NF1: variants seen among roughly 807,000 people sequenced by gnomAD.
The protein encoded by NF1 is neurofibromin.
NF1 carries 122 observed loss-of-function variants against 325.7 expected under a neutral mutation model. The ratio of observed to expected loss-of-function variants is 0.37; its 90% CI spans 0.32 to 0.44. The LOEUF is 0.44. NF1 is among the 20% of genes least tolerant of loss of function. The pLI is 1.00. For missense variants in NF1, 2,140 were observed against 3,415.4 expected (o/e 0.63, Z 9.31); for synonymous variants, 1,091 against 1,186.0 (o/e 0.92, Z 1.65).
chr17:31,304,020 C>A (rs1329625625), intron 36 of NF1: 3 of 334,938 alleles, frequency 9.0e-6, no homozygotes, highest in Non-Finnish European at 1.6e-5. Context: ...TGAAACATAC[C>A]ATTTACATAT....
At chr17:31,287,502 G>A (rs1378315469) in intron 36 of NF1, among the ~76,000 whole-genome samples, 2 of 151,924 alleles carry the variant, frequency 1.3e-5, no homozygotes, top group Non-Finnish European at 2.9e-5. Context: ...TAGTGAGTGC[G>A]TATGTATGTT....
chr17:31,216,128 C>CT (rs879847864), intron 13 of NF1, among the ~76,000 whole-genome samples: 2 of 152,110 alleles, frequency 1.3e-5, no homozygotes, highest in Admixed American at 1.3e-4. Flanking sequence ...CTCTTCATTC[C>CT]TTTGTTATGT....
Position 31,229,091 on chromosome 17 carries a change from A to G in NF1, c.2476A>G (p.Ile826Val), listed in dbSNP as rs767069721. 6.2e-7 allele frequency: 1 copy of G among 1,611,926 alleles called. No individual in the cohort carries two copies. Among genetic ancestry groups the G allele is most frequent in the Non-Finnish European group, 8.5e-7 (1 of 1,179,806 alleles). Residue 826 changes from isoleucine (I) to valine (V), a missense_variant, in exon 21 of 58, where the codon ATA becomes GTA. Around this residue, in one of 10 missense-constraint regions of NF1, gnomAD observed 380 missense variants for 639.3 expected, o/e 0.59. Coordinates refer to ENST00000358273, the MANE Select transcript of NF1 (RefSeq NM_001042492.3). ...RMSHVSGGGS[I>V]DLSDTDSLQE... Reference sequence around the variant, plus strand: ...GTCCCATGTGAGTGGAGGAGGATCCATAGATTTGTCTGACACAGACTCCCT... The same window carrying G: ...GTCCCATGTGAGTGGAGGAGGATCCGTAGATTTGTCTGACACAGACTCCCT...
At chr17:31,304,378 A>G in intron 36 of NF1, 23 of 1,614,118 alleles carry the variant, frequency 1.4e-5, no homozygotes, top group Non-Finnish European at 1.9e-5. Context: ...TTGGTTTTTC[A>G]TAAAATCTAC....
At chr17:31,209,060 G>A (rs142237709) in intron 12 of NF1, among the ~76,000 whole-genome samples, 23 of 152,254 alleles carry the variant, frequency 1.5e-4, no homozygotes, top group African/African-American at 4.6e-4. Flanking sequence ...GCTGTACTGC[G>A]CATTGTGGGA....
chr17:31,348,854 T>G (rs1597857894), intron 48 of NF1, among the ~76,000 whole-genome samples: 1 of 152,182 alleles, frequency 6.6e-6, no homozygotes, highest in East Asian at 1.9e-4. Flanking sequence ...AAGACTATCA[T>G]GTTTTTTAAT....
chr17:31,134,205 T>A (rs1223627454), intron 1 of NF1, among the ~76,000 whole-genome samples: 1 of 152,194 alleles, frequency 6.6e-6, no homozygotes, highest in Non-Finnish European at 1.5e-5. Context: ...AGAGTTATAT[T>A]TAAGCTCATC....
chr17:31,345,351 G>A, intron 48 of NF1, among the ~76,000 whole-genome samples: 1 of 152,208 alleles, frequency 6.6e-6, no homozygotes, highest in Non-Finnish European at 1.5e-5. Context: ...TGGGCTGAGG[G>A]GAGGGGTTGT....
chr17:31,256,897 A>G (rs1597742691), intron 31 of NF1, among the ~76,000 whole-genome samples: 1 of 152,208 alleles, frequency 6.6e-6, no homozygotes, highest in South Asian at 2.1e-4. Context: ...ATTAGTTACA[A>G]CTGACCTCTT....
rs1483541195 is a variant in NF1 at position 31,325,998 on chromosome 17, G to A, written c.5014G>A (p.Asp1672Asn). Residue 1672 changes from aspartate to asparagine, a missense_variant, in exon 37 of 58, where the codon GAC (aspartate) becomes AAC (asparagine). Coordinates refer to ENST00000358273, the MANE Select transcript of NF1 (RefSeq NM_001042492.3). ...TGTTGTTTTTCCTGGCTTTGCTTACGACAACGTCTCCGCAGTCTATATCTA... is the reference window on the plus strand; with the variant it reads ...TGTTGTTTTTCCTGGCTTTGCTTACAACAACGTCTCCGCAGTCTATATCTA... ...WFVVFPGFAY[D>N]NVSAVYIYNC... is the part of the protein sequence containing the mutation. 3 of 1,614,114 alleles carry A rather than the reference G, an allele frequency of 1.9e-6. No homozygotes were observed. Among genetic ancestry groups the A allele is most frequent in the East Asian group, 2.2e-5 (1 of 44,884 alleles).
At chr17:31,289,522 G>A (rs762505064) in intron 36 of NF1, among the ~76,000 whole-genome samples, 5 of 152,130 alleles carry the variant, frequency 3.3e-5, no homozygotes, top group Non-Finnish European at 5.9e-5. Context: ...TTGGTCTACA[G>A]TGTTAGTTAG....
At chr17:31,340,675 A>G (rs762163609) in intron 47 of NF1, 30 bp downstream of exon 47, 10 of 1,609,414 alleles carry the variant, frequency 6.2e-6, no homozygotes, top group East Asian at 2.2e-5. Context: ...AGGTTCCTAG[A>G]TTACTCAAAT....
At chr17:31,345,037 C>T (rs917603707) in intron 48 of NF1, among the ~76,000 whole-genome samples, 2 of 152,168 alleles carry the variant, frequency 1.3e-5, no homozygotes, top group African/African-American at 4.8e-5. Flanking sequence ...GCACAAGAAT[C>T]GCTTGAACCT....
intron 1 of NF1, among the ~76,000 whole-genome samples, chr17:31,106,696 C>T (rs566116800): frequency 6.6e-6 from 1 of 152,242 alleles, no homozygotes; most frequent in South Asian, 2.1e-4. Context: ...AAATTTTAAG[C>T]ATTATATATC....
chr17:31,180,448 A>T (rs2066107403), intron 5 of NF1, among the ~76,000 whole-genome samples: 1 of 152,258 alleles, frequency 6.6e-6, no homozygotes, highest in South Asian at 2.1e-4. Context: ...AACATATGCA[A>T]ATCAATGAAA....
At chr17:31,215,020 T>C (rs553871680) in intron 13 of NF1, among the ~76,000 whole-genome samples, 9 of 152,364 alleles carry the variant, frequency 5.9e-5, no homozygotes, top group Admixed American at 3.9e-4. Context: ...CTTTGTGTTA[T>C]CAGCTTTCTG....
chr17:31,167,339 G>T (rs2065862518), intron 4 of NF1, among the ~76,000 whole-genome samples: 1 of 152,166 alleles, frequency 6.6e-6, no homozygotes, highest in Non-Finnish European at 1.5e-5. Flanking sequence ...TCATGTAAGT[G>T]CTTAGAATAG....
intron 1 of NF1, chr17:31,138,289 G>A (rs4795580): frequency 0.55 from 83,770 of 151,552 alleles, 26,297 homozygotes; most frequent in Middle Eastern, 0.76. Flanking sequence ...CTTGAGACAG[G>A]GTCTGGCTCT....
chr17:31,334,234 T>G (rs1268059675), intron 39 of NF1, among the ~76,000 whole-genome samples: 1 of 151,832 alleles, frequency 6.6e-6, no homozygotes, highest in Non-Finnish European at 1.5e-5. Context: ...GAGGCGGAAC[T>G]TGCAGTGAGC....
Sources: allele counts gnomAD v4.1 joint callset (sites outside exome capture counted in the v4.1 genomes callset), GRCh38; gene constraint gnomAD v4.1.1; regional missense constraint gnomAD v4.1.1; transcripts MANE v1.5; gene names NCBI Gene and HGNC (gene_info 2026-07-23, HGNC 2026-07-21).